Variants in NLGN1 observed in about 807,000 individuals in gnomAD.
NLGN1 encodes the protein neuroligin-1.
A neutral mutation model predicts 65.5 loss-of-function variants in NLGN1; 12 were observed. The ratio of observed to expected loss-of-function variants is 0.18; its 90% CI spans 0.12 to 0.30. The LOEUF (loss-of-function observed/expected upper bound fraction) is 0.30, where lower values mean the gene tolerates loss of function less well. Ranked by LOEUF, NLGN1 falls within the 10% of genes least tolerant of loss-of-function variation. The pLI is 1.00. For missense variants in NLGN1, 750 were observed against 1,007.1 expected, an observed-to-expected ratio of 0.74 and a Z score of 3.46; for synonymous variants, 350 against 359.5, an observed-to-expected ratio of 0.97 and a Z score of 0.30.
intron 1 of NLGN1, chr3:173,399,849 A>G (rs1442408193): frequency 6.6e-6 from 1 of 152,168 alleles, no homozygotes; most frequent in Non-Finnish European, 1.5e-5. Context: ...TTTCACATAC[A>G]TTTTAATGCT....
chr3:173,755,420 A>T (rs1172277817), intron 3 of NLGN1, among the ~76,000 whole-genome samples: 1 of 152,134 alleles, frequency 6.6e-6, no homozygotes, highest in African/African-American at 2.4e-5. Flanking sequence ...AGTTTGCAAT[A>T]TCTATATTTT....
chr3:174,064,292 T>C (rs958348197), intron 4 of NLGN1, among the ~76,000 whole-genome samples: 8 of 152,156 alleles, frequency 5.3e-5, no homozygotes, highest in Non-Finnish European at 7.3e-5. Context: ...TAAAATATTT[T>C]TTGGTGAATT....
chr3:173,587,718 GCA>G (rs1481876774), intron 2 of NLGN1, among the ~76,000 whole-genome samples: 3 of 152,124 alleles, frequency 2.0e-5, no homozygotes, highest in Admixed American at 2.0e-4. Flanking sequence ...AAATCTGCAA[GCA>G]CAGTTTCTGA....
chr3:173,935,622 A>ACTCT (rs72137673), intron 4 of NLGN1, among the ~76,000 whole-genome samples: 2,052 of 107,920 alleles, frequency 0.019, 46 homozygotes, highest in African/African-American at 0.07. Flanking sequence ...ACACACACAC[A>ACTCT]CTCTCTCTCT....
intron 3 of NLGN1, among the ~76,000 whole-genome samples, chr3:173,662,852 T>C (rs1761130688): frequency 6.6e-6 from 1 of 151,930 alleles, no homozygotes; most frequent in Non-Finnish European, 1.5e-5. Flanking sequence ...CAACACAAAA[T>C]TTTCCTGCCC....
intron 4 of NLGN1, among the ~76,000 whole-genome samples, chr3:173,907,191 A>G (rs2082009091): frequency 6.6e-6 from 1 of 152,322 alleles, no homozygotes; most frequent in South Asian, 2.1e-4. Context: ...GCTTCGTTAT[A>G]AAGAAACGCC....
intron 2 of NLGN1, among the ~76,000 whole-genome samples, chr3:173,546,596 G>C (rs1443779884): frequency 1.3e-5 from 2 of 152,138 alleles, no homozygotes; most frequent in African/African-American, 2.4e-5. Context: ...CACTAGATCT[G>C]AGGTTTCTGA....
chr3:173,775,236 G>A (rs1022450682), intron 3 of NLGN1, among the ~76,000 whole-genome samples: 3 of 151,986 alleles, frequency 2.0e-5, no homozygotes, highest in Non-Finnish European at 4.4e-5. Flanking sequence ...TTTTTTAAAT[G>A]CAATCCGTTA....
rs574214588 is a variant in NLGN1, at chr3:174,077,180, C to A, written c.647-198135C>A. 7.9e-5 allele frequency among the ~76,000 whole-genome samples: 12 copies of A among 151,674 alleles called. No homozygotes were observed. In the East Asian group the frequency reaches 1.2e-3, roughly 15 times the overall value. Reference sequence around the variant, plus strand: ...ACAAATTACAGATAAAAATATATTTCTTTCCAGGAAAAAAAAAAACCTATT... The same window carrying A: ...ACAAATTACAGATAAAAATATATTTATTTCCAGGAAAAAAAAAAACCTATT... On this transcript the variant is annotated intron_variant, in intron 4 of 6. Coordinates refer to ENST00000457714, the Ensembl canonical transcript of NLGN1.
At chr3:173,922,999 T>C (rs1022688511) in intron 4 of NLGN1, among the ~76,000 whole-genome samples, 2 of 152,156 alleles carry the variant, frequency 1.3e-5, no homozygotes, top group African/African-American at 2.4e-5. Context: ...ACATACATAC[T>C]ATATAATTAT....
chr3:173,933,647 A>G (rs1371833071), intron 4 of NLGN1, among the ~76,000 whole-genome samples: 4 of 152,062 alleles, frequency 2.6e-5, no homozygotes, highest in Admixed American at 2.6e-4. Context: ...GGTCTTTTCT[A>G]TTTCCTCTTT....
intron 4 of NLGN1, among the ~76,000 whole-genome samples, chr3:173,884,712 T>C (rs1245086670): frequency 6.6e-6 from 1 of 152,190 alleles, no homozygotes; most frequent in Non-Finnish European, 1.5e-5. Flanking sequence ...AACACATCTG[T>C]AATCTACCAA....
chr3:173,921,367 G>A lies in NLGN1; in HGVS notation c.646+113535G>A, dbSNP rs894090357. On this transcript the variant is annotated intron_variant, in intron 4 of 6. Coordinates refer to ENST00000457714, the Ensembl canonical transcript of NLGN1. ...ATTTTAGTAATCTATTGTTTCATTT[G>A]TAGTAATTTATTTTTTCTGTGTTCA... 2.0e-5 allele frequency among the ~76,000 whole-genome samples: 3 copies of A among 149,368 alleles called. No homozygotes were observed. In the Admixed American group the frequency reaches 2.0e-4, roughly 10 times the overall value.
At chr3:173,964,514 C>T (rs781092687) in intron 4 of NLGN1, among the ~76,000 whole-genome samples, 6 of 152,154 alleles carry the variant, frequency 3.9e-5, no homozygotes, top group Admixed American at 6.5e-5. Context: ...GAAACACAGA[C>T]TCAAGCTTAT....
intron 3 of NLGN1, among the ~76,000 whole-genome samples, chr3:173,663,633 A>C (rs958692598): frequency 6.6e-6 from 1 of 152,086 alleles, no homozygotes; most frequent in East Asian, 1.9e-4. Flanking sequence ...CCCACAAATG[A>C]ATCAGAAAAA....
At chr3:173,714,319 A>G (rs979370361) in intron 3 of NLGN1, among the ~76,000 whole-genome samples, 2 of 152,096 alleles carry the variant, frequency 1.3e-5, no homozygotes, top group African/African-American at 4.8e-5. Flanking sequence ...TACTATGTCT[A>G]CTGCAAAAGT....
upstream of NLGN1, among the ~76,000 whole-genome samples, chr3:173,397,193 T>C (rs1716756927): frequency 6.6e-6 from 1 of 151,136 alleles, no homozygotes; most frequent in East Asian, 1.9e-4. Flanking sequence ...TCAGGAGGAG[T>C]CCACAGTGGA....
chr3:173,954,589 C>A (rs1007777173), intron 4 of NLGN1, among the ~76,000 whole-genome samples: 4 of 151,974 alleles, frequency 2.6e-5, no homozygotes, highest in Non-Finnish European at 5.9e-5. Context: ...CTTCCCATAT[C>A]CCACCTTCTT....
At chr3:174,039,427 C>T (rs1045207845) in intron 4 of NLGN1, among the ~76,000 whole-genome samples, 12 of 151,892 alleles carry the variant, frequency 7.9e-5, no homozygotes, top group Non-Finnish European at 1.5e-4. Flanking sequence ...TCCCCTTGCC[C>T]CCCATCCTCC....
Sources: allele counts gnomAD v4.1 joint callset (sites outside exome capture counted in the v4.1 genomes callset), GRCh38; gene constraint gnomAD v4.1.1; transcripts MANE v1.5; gene names NCBI Gene and HGNC (gene_info 2026-07-23, HGNC 2026-07-21).